The following CLIP1 variants were observed in gnomAD, a reference collection of about 807,000 sequenced individuals.
CLIP1 encodes the protein CAP-Gly domain containing linker protein 1.
Under a neutral mutation model 161.6 loss-of-function variants are expected in CLIP1, and 66 were observed. The ratio of observed to expected loss-of-function variants is 0.41; its 90% CI spans 0.33 to 0.50. The LOEUF (loss-of-function observed/expected upper bound fraction) is 0.50. Among genes scored for constraint, CLIP1 ranks in the 20% least tolerant of loss-of-function variants. The pLI is 0.27. For synonymous variants in CLIP1, 598 were observed against 626.2 expected (o/e 0.96, Z 0.67); for missense variants, 1,376 against 1,702.0 (o/e 0.81, Z 3.37).
At chr12:122,340,614 C>T in intron 11 of CLIP1, 139 bp downstream of exon 11, 2 of 663,726 alleles carry the variant, frequency 3.0e-6, no homozygotes, top group Non-Finnish European at 5.1e-6. Flanking sequence ...GAACATACTA[C>T]ACTATACTCA....
At chr12:122,379,414 G>C (rs1468919030) in intron 2 of CLIP1, among the ~76,000 whole-genome samples, 10 of 150,890 alleles carry the variant, frequency 6.6e-5, no homozygotes, top group Non-Finnish European at 4.4e-5. Context: ...AGGAGTTCAA[G>C]ACCAGCCTGG....
intron 10 of CLIP1, among the ~76,000 whole-genome samples, chr12:122,347,132 A>T (rs539877776): frequency 6.6e-6 from 1 of 152,350 alleles, no homozygotes; most frequent in African/African-American, 2.4e-5. Context: ...ATTCAGTTGT[A>T]AAGTTTCTGA....
rs1394090273 is a variant in CLIP1, at chr12:122,323,772, G to A, written c.3249+4175C>T. 2 of 152,648 alleles carry A rather than the reference G, an allele frequency of 1.3e-5. No homozygotes were observed. Among genetic ancestry groups the A allele is most frequent in the African/African-American group, 4.8e-5 (2 of 41,450 alleles). 9.5% of individuals were successfully genotyped at this position (152,648 alleles called of 1,614,324 possible). On this transcript the variant is annotated intron_variant, in intron 17 of 25. Coordinates refer to ENST00000620786, the MANE Select transcript of CLIP1 (RefSeq NM_001247997.2). This position sits in a 1 kb window ranked among gnomAD's most constrained non-coding sequence, Gnocchi z 4.1. ...TCAGCTGTGAGATCTTCAGTCTCCTGTACCAAAGCTTTCTGATCTTTGACT... is the reference window on the plus strand; with the variant it reads ...TCAGCTGTGAGATCTTCAGTCTCCTATACCAAAGCTTTCTGATCTTTGACT...
chr12:122,363,853 G>A, intron 4 of CLIP1, 130 bp downstream of exon 4: 2 of 1,246,818 alleles, frequency 1.6e-6, no homozygotes, highest in Non-Finnish European at 1.1e-6. Flanking sequence ...ATTAGCAGAT[G>A]GGTCTTAGGA....
chr12:122,398,204 T>C lies in CLIP1; in HGVS notation c.-106-17646A>G, dbSNP rs185127570. ...GCCAAGGCAGCCGGATCACCAGAGG[T>C]CAGGAATTTGAGACCAGCCTGGCCA... On this transcript the variant is annotated intron_variant, in intron 1 of 25. Coordinates refer to ENST00000620786, the MANE Select transcript of CLIP1 (RefSeq NM_001247997.2). Among the ~76,000 whole-genome samples, 1,228 of 146,544 alleles carry C rather than the reference T, an allele frequency of 8.4e-3. 9 individuals are homozygous for C. The highest frequency in any genetic ancestry group is 0.025 in the Middle Eastern group (7 of 278).
At chr12:122,402,765 C>T (rs1032189513) in intron 1 of CLIP1, among the ~76,000 whole-genome samples, 13 of 152,138 alleles carry the variant, frequency 8.5e-5, no homozygotes, top group African/African-American at 3.1e-4. Flanking sequence ...GGCAGCACTA[C>T]ATTCCAGCCT....
chr12:122,301,445 TC>T (rs1950675351), intron 20 of CLIP1, among the ~76,000 whole-genome samples: 1 of 151,998 alleles, frequency 6.6e-6, no homozygotes, highest in African/African-American at 2.4e-5. Context: ...CCGAGGCGAG[TC>T]CTGACCTTCA....
intron 20 of CLIP1, among the ~76,000 whole-genome samples, chr12:122,289,971 G>A (rs886494965): frequency 3.3e-5 from 5 of 152,070 alleles, no homozygotes; most frequent in African/African-American, 1.2e-4. Context: ...ACCATGCCCA[G>A]CTAATGTTTG....
intron 14 of CLIP1, 46 bp from the exon 15 acceptor site, chr12:122,333,189 A>G: frequency 7.3e-7 from 1 of 1,371,804 alleles, no homozygotes; most frequent in African/African-American, 1.4e-5. Context: ...TGTTATATCA[A>G]CAAAAACTGA....
At chr12:122,319,204 G>C in intron 18 of CLIP1, 28 bp downstream of exon 18, 1 of 1,431,254 alleles carries the variant, frequency 7.0e-7, no homozygotes, top group Non-Finnish European at 9.9e-7. Context: ...GCTGTTCTTT[G>C]TATAAAAAGC....
chr12:122,336,819 A>T (rs1952246833), intron 11 of CLIP1, 71 bp from the exon 12 acceptor site: 1 of 637,314 alleles, frequency 1.6e-6, no homozygotes, highest in South Asian at 2.9e-5. Context: ...AGAAGAAAAA[A>T]ATAAACAAAT....
At chr12:122,387,903 A>T (rs1955397122) in intron 1 of CLIP1, among the ~76,000 whole-genome samples, 1 of 152,036 alleles carries the variant, frequency 6.6e-6, no homozygotes, top group Non-Finnish European at 1.5e-5. Context: ...ATTTCTAATG[A>T]ATTAATATTT....
chr12:122,351,003 C>T, intron 9 of CLIP1, 108 bp downstream of exon 9: 2 of 795,788 alleles, frequency 2.5e-6, no homozygotes, highest in African/African-American at 1.7e-5. Flanking sequence ...GGTCAATGTC[C>T]CAAGGTCAGA....
chr12:122,362,932 G>C (rs950936558), intron 4 of CLIP1, among the ~76,000 whole-genome samples: 2 of 152,000 alleles, frequency 1.3e-5, no homozygotes, highest in African/African-American at 2.4e-5. Flanking sequence ...AGTTCCAAGA[G>C]AGCTTTATCT....
intron 3 of CLIP1, among the ~76,000 whole-genome samples, chr12:122,374,947 T>C (rs1954646793): frequency 6.6e-6 from 1 of 152,156 alleles, no homozygotes; most frequent in South Asian, 2.1e-4. Flanking sequence ...GTCCAAGGCA[T>C]GGAGACAACC....
intron 21 of CLIP1, among the ~76,000 whole-genome samples, chr12:122,281,864 C>A (rs2136240503): frequency 1.3e-5 from 2 of 151,824 alleles, no homozygotes; most frequent in Middle Eastern, 3.4e-3. Context: ...TAAAAAAAAC[C>A]AGGATTTTGG....
At chr12:122,404,926 A>C (rs976401399) in intron 1 of CLIP1, among the ~76,000 whole-genome samples, 7 of 151,536 alleles carry the variant, frequency 4.6e-5, no homozygotes, top group East Asian at 1.9e-4. Context: ...ACAAAAAAAA[A>C]CCAACATGGT....
intron 20 of CLIP1, among the ~76,000 whole-genome samples, chr12:122,296,942 A>G (rs1950496554): frequency 6.6e-6 from 1 of 152,044 alleles, no homozygotes; most frequent in Non-Finnish European, 1.5e-5. Context: ...CGAGTGGCCA[A>G]GAGTTAATTG....
chr12:122,312,131 T>G (rs1476248326), intron 19 of CLIP1, among the ~76,000 whole-genome samples: 3 of 152,240 alleles, frequency 2.0e-5, no homozygotes, highest in Admixed American at 2.0e-4. Context: ...AGACTAGGTT[T>G]AAAACTAAAG....
Sources: gnomAD v4.1 joint callset for allele counts (sites outside exome capture counted in the v4.1 genomes callset) on GRCh38, gnomAD v4.1.1 for gene constraint, Gnocchi (gnomAD v3.1) non-coding constraint, MANE v1.5 for transcripts, NCBI Gene and HGNC (gene_info 2026-07-23, HGNC 2026-07-21) for gene names.